NFX1: variants seen among roughly 807,000 people sequenced by gnomAD.
NFX1 encodes the protein transcriptional repressor NF-X1.
In NFX1, 69 loss-of-function variants were observed where a neutral mutation model predicts 137.2. The ratio of observed to expected loss-of-function variants is 0.50; its 90% CI spans 0.41 to 0.61. The LOEUF is 0.61. Ranked by LOEUF, NFX1 falls within the 20% of genes least tolerant of loss-of-function variation. The pLI, the probability that NFX1 is intolerant of heterozygous loss-of-function variation, is 0.00. For missense variants in NFX1, 1,167 were observed against 1,391.0 expected, an observed-to-expected ratio of 0.84 and a Z score of 2.56; for synonymous variants, 495 against 474.1, an observed-to-expected ratio of 1.04 and a Z score of -0.57.
chr9:33,296,894 C>T (rs1361069010), intron 2 of NFX1, among the ~76,000 whole-genome samples: 2 of 152,224 alleles, frequency 1.3e-5, no homozygotes, highest in Non-Finnish European at 2.9e-5. Flanking sequence ...CATTGTCCTC[C>T]ACTAGTCTGT....
intron 12 of NFX1, among the ~76,000 whole-genome samples, chr9:33,340,538 G>A (rs1219693406): frequency 6.6e-6 from 1 of 152,170 alleles, no homozygotes; most frequent in Non-Finnish European, 1.5e-5. Flanking sequence ...ATTGTCTTGG[G>A]GTTTTACATT....
intron 9 of NFX1, among the ~76,000 whole-genome samples, chr9:33,321,745 G>A (rs888914373): frequency 5.3e-5 from 8 of 151,994 alleles, no homozygotes; most frequent in African/African-American, 7.2e-5. Flanking sequence ...TGGGTATGGC[G>A]GCACGTGCCT....
Position 33,342,692 on chromosome 9 carries a change from G to A in NFX1, c.2116-54G>A, listed in dbSNP as rs145748201. Reference sequence around the variant, plus strand: ...TTTTATTAATCTTGTTGTTATTTATGGAAAATATAAAATGAAGACCATTTT... The same window carrying A: ...TTTTATTAATCTTGTTGTTATTTATAGAAAATATAAAATGAAGACCATTTT... On this transcript the variant is annotated intron_variant, in intron 12 of 23. Coordinates refer to ENST00000379540, the MANE Select transcript of NFX1 (RefSeq NM_002504.6). 6.2e-4 allele frequency: 747 copies of A among 1,213,784 alleles called. 10 individuals are homozygous for A. In the East Asian group the frequency reaches 0.018, roughly 29 times the overall value. 75.2% of individuals were successfully genotyped at this position (1,213,784 alleles called of 1,614,324 possible). A position where few individuals can be genotyped will look rare whatever the true frequency, so the allele number is the denominator to read the frequency against.
intron 2 of NFX1, among the ~76,000 whole-genome samples, chr9:33,299,757 T>C (rs149096674): frequency 0.011 from 1,737 of 152,254 alleles, 31 homozygotes; most frequent in African/African-American, 0.04. Context: ...TTAACAAATA[T>C]TTAATGGAGC....
intron 11 of NFX1, among the ~76,000 whole-genome samples, chr9:33,338,229 C>G (rs139687818): frequency 6.6e-6 from 1 of 151,820 alleles, no homozygotes. Context: ...GTGGCAGGCA[C>G]CTGTAAGCCC....
chr9:33,295,419 C>T lies in NFX1; in HGVS notation c.1025C>T (p.Thr342Met), dbSNP rs1458120970. The part of the protein sequence containing the change: ...KQNHVLKNVE[T>M]HTGSLIEQLT... ...AACCATGTGCTAAAGAATGTGGAAA[C>T]GCACACAGGTAAACCTACCTAGATA... The change falls in exon 2 of 24, where the codon ACG becomes ATG. Residue 342 changes from threonine (T) to methionine (M), a missense_variant. Transcript: ENST00000379540. 12 of 1,611,428 alleles carry T rather than the reference C, an allele frequency of 7.4e-6. No individual in the cohort carries two copies. The highest frequency in any genetic ancestry group is 2.2e-5 in the East Asian group (1 of 44,810).
intron 6 of NFX1, among the ~76,000 whole-genome samples, chr9:33,312,586 T>C (rs1176845798): frequency 1.3e-5 from 2 of 152,208 alleles, no homozygotes; most frequent in African/African-American, 4.8e-5. Context: ...AAGTACTTTT[T>C]GCGGCTGGGC....
intron 11 of NFX1, among the ~76,000 whole-genome samples, chr9:33,336,001 A>T (rs1055592027): frequency 6.6e-6 from 1 of 152,208 alleles, no homozygotes; most frequent in Non-Finnish European, 1.5e-5. Flanking sequence ...GAACATTTGT[A>T]TACAAGTTTT....
At chr9:33,354,978 C>A in intron 19 of NFX1, 86 bp downstream of exon 19, 1 of 1,250,540 alleles carries the variant, frequency 8.0e-7, no homozygotes, top group Non-Finnish European at 1.2e-6. Context: ...AAACGTCATT[C>A]ACTCAGCACT....
intron 19 of NFX1, among the ~76,000 whole-genome samples, chr9:33,363,661 G>A (rs1824081571): frequency 6.6e-6 from 1 of 152,074 alleles, no homozygotes; most frequent in South Asian, 2.1e-4. Flanking sequence ...TTTAACATTT[G>A]TATGTCTATT....
intron 19 of NFX1, among the ~76,000 whole-genome samples, chr9:33,359,551 A>G (rs149237096): frequency 0.011 from 1,645 of 152,180 alleles, 27 homozygotes; most frequent in African/African-American, 0.038. Context: ...GTGAGCCGAG[A>G]TGGCGCCACC....
intron 9 of NFX1, among the ~76,000 whole-genome samples, chr9:33,322,058 A>C (rs1453126963): frequency 6.9e-6 from 1 of 144,742 alleles, no homozygotes; most frequent in Admixed American, 6.9e-5. Context: ...AAAATTAGCC[A>C]GGCATGGTGG....
intron 10 of NFX1, among the ~76,000 whole-genome samples, chr9:33,330,455 A>G (rs617045): frequency 0.025 from 3,848 of 152,330 alleles, 168 homozygotes; most frequent in African/African-American, 0.087. Flanking sequence ...AAATTACAAT[A>G]TACATAGGAT....
chr9:33,368,722 C>T (rs1824239987), intron 23 of NFX1, among the ~76,000 whole-genome samples: 1 of 152,226 alleles, frequency 6.6e-6, no homozygotes, highest in Admixed American at 6.5e-5. Context: ...AGTACCTCCT[C>T]TGTGATTCCT....
At chr9:33,326,017 G>A (rs1358047899) in intron 9 of NFX1, among the ~76,000 whole-genome samples, 1 of 152,144 alleles carries the variant, frequency 6.6e-6, no homozygotes, top group East Asian at 1.9e-4. Context: ...ATAGCATAAA[G>A]GAGATAGATG....
At chr9:33,349,385 G>A (rs897863720) in intron 15 of NFX1, among the ~76,000 whole-genome samples, 4 of 152,184 alleles carry the variant, frequency 2.6e-5, no homozygotes, top group Admixed American at 6.5e-5. Context: ...AATGTGGAGA[G>A]GATGACAGGG....
Position 33,303,307 on chromosome 9 carries a change from A to G in NFX1, c.1270+39A>G. The G allele has an allele frequency of 1.9e-6, 3 of 1,546,446 alleles. 1 individual carries two copies. Among genetic ancestry groups the G allele is most frequent in the Middle Eastern group, 3.4e-4 (2 of 5,928 alleles). The stretch of plus-strand genomic sequence containing the variant: ...TATACACTGGAGTCTCTTTTACTAC[A>G]TACATTGTACCTCAGTTCAGGAAAG... On this transcript the variant is annotated intron_variant, in intron 4 of 23. Transcript: ENST00000379540.
chr9:33,306,724 T>G (rs1401173911), intron 4 of NFX1, among the ~76,000 whole-genome samples: 1 of 152,164 alleles, frequency 6.6e-6, no homozygotes, highest in Non-Finnish European at 1.5e-5. Context: ...TTATGCCGAC[T>G]TTATAGTTCT....
chr9:33,317,509 C>T (rs1237607751), intron 7 of NFX1, among the ~76,000 whole-genome samples: 1 of 149,810 alleles, frequency 6.7e-6, no homozygotes, highest in Non-Finnish European at 1.5e-5. Context: ...AATAAAGAGT[C>T]CTTGAATCTT....
Sources: allele counts gnomAD v4.1 joint callset (sites outside exome capture counted in the v4.1 genomes callset), GRCh38; gene constraint gnomAD v4.1.1; transcripts MANE v1.5; gene names NCBI Gene and HGNC (gene_info 2026-07-23, HGNC 2026-07-21).